Variants in NRG1 observed in about 807,000 individuals in gnomAD.
The protein encoded by NRG1 is neuregulin 1.
Under a neutral mutation model 63.8 loss-of-function variants are expected in NRG1, and 18 were observed. That is an observed-to-expected ratio of 0.28 (90% confidence interval 0.19 to 0.42). NRG1 has a LOEUF of 0.42. Ranked by LOEUF, NRG1 falls within the 10% of genes least tolerant of loss-of-function variation. The pLI is 1.00. For synonymous variants in NRG1, 302 were observed against 301.3 expected, an observed-to-expected ratio of 1.00 and a Z score of -0.02; for missense variants, 762 against 814.7, an observed-to-expected ratio of 0.94 and a Z score of 0.79.
intron 1 of NRG1, among the ~76,000 whole-genome samples, chr8:32,324,158 G>A (rs1369869423): frequency 2.0e-5 from 3 of 151,940 alleles, no homozygotes; most frequent in African/African-American, 7.3e-5. Context: ...GTATCTTCAG[G>A]CACACTGTTT....
intron 5 of NRG1, among the ~76,000 whole-genome samples, chr8:32,720,646 C>A (rs1022116606): frequency 1.3e-5 from 2 of 152,140 alleles, no homozygotes; most frequent in African/African-American, 4.8e-5. Flanking sequence ...TTTCTTGTAA[C>A]TCCATTTAGT....
At chr8:32,609,552 CTCCTTCCTTCCTTCCTTCCTTCCT>C (rs750000111) in intron 3 of NRG1, among the ~76,000 whole-genome samples, 102 of 83,226 alleles carry the variant, frequency 1.2e-3, no homozygotes, top group Admixed American at 3.5e-3. Flanking sequence ...CCTTCCCTCC[CTCCTTCCTTCCTTCCTTCCTTCCT>C]TCCTTCCTTC....
chr8:32,595,821 C>G lies in NRG1; in HGVS notation c.101-7C>G. 4.4e-6 allele frequency: 7 copies of G among 1,577,662 alleles called. No individual in the cohort carries two copies. Among genetic ancestry groups the G allele is most frequent in the Middle Eastern group, 1.7e-4 (1 of 5,812 alleles). On this transcript the variant is annotated splice_region_variant and splice_polypyrimidine_tract_variant and intron_variant, in intron 1 of 11. Transcript: ENST00000356819. ...GAGTTGTTTTTCATTCTCTTTTCTT[C>G]TTTTAGCCTTGCCTCCCCGATTGAA...
intron 1 of NRG1, among the ~76,000 whole-genome samples, chr8:32,331,865 T>G (rs896082828): frequency 2.6e-5 from 4 of 152,182 alleles, no homozygotes; most frequent in African/African-American, 7.2e-5. Context: ...TCAAAATGTT[T>G]GCATGCCATT....
chr8:32,040,964 C>T (rs532389398), intron 1 of NRG1, among the ~76,000 whole-genome samples: 74 of 151,176 alleles, frequency 4.9e-4, no homozygotes, highest in African/African-American at 1.7e-3. Context: ...ATTGAATTCC[C>T]TTCTTACTGT....
chr8:32,264,571 C>A (rs928965066), intron 1 of NRG1, among the ~76,000 whole-genome samples: 1 of 152,084 alleles, frequency 6.6e-6, no homozygotes, highest in Non-Finnish European at 1.5e-5. Context: ...GATAAAAAGA[C>A]GGGAGGGACA....
At chr8:32,410,176 CTTT>C (rs374377158) in intron 1 of NRG1, among the ~76,000 whole-genome samples, 3 of 99,330 alleles carry the variant, frequency 3.0e-5, no homozygotes, top group Admixed American at 1.2e-4. Context: ...TTTTTCTTTC[CTTT>C]TTTTTTTTTT....
chr8:32,609,065 C>T (rs183133695), intron 3 of NRG1, among the ~76,000 whole-genome samples: 1 of 152,170 alleles, frequency 6.6e-6, no homozygotes. Context: ...AACATAGCTG[C>T]CCGGAAGCTC....
intron 1 of NRG1, among the ~76,000 whole-genome samples, chr8:31,883,542 A>G (rs150247797): frequency 1.3e-5 from 2 of 152,268 alleles, no homozygotes; most frequent in South Asian, 4.1e-4. Flanking sequence ...AGCTGTTTCA[A>G]AAGTGTTCCT....
chr8:32,640,815 G>A (rs937084744), intron 5 of NRG1, among the ~76,000 whole-genome samples: 10 of 151,746 alleles, frequency 6.6e-5, no homozygotes, highest in Admixed American at 2.0e-4. Context: ...TATACATATC[G>A]GCAGGCGTGG....
intron 1 of NRG1, among the ~76,000 whole-genome samples, chr8:31,723,481 T>C (rs949177383): frequency 6.6e-6 from 1 of 152,110 alleles, no homozygotes; most frequent in Admixed American, 6.6e-5. Flanking sequence ...TGGAGTCTTA[T>C]TATGTTGTCC....
At chr8:32,161,937 A>G (rs1309951243) in intron 1 of NRG1, among the ~76,000 whole-genome samples, 1 of 152,240 alleles carries the variant, frequency 6.6e-6, no homozygotes, top group Non-Finnish European at 1.5e-5. Context: ...TCCATTGGCC[A>G]GAATTCCTCA....
intron 1 of NRG1, among the ~76,000 whole-genome samples, chr8:32,349,870 G>A (rs1805375947): frequency 6.6e-6 from 1 of 152,196 alleles, no homozygotes; most frequent in Non-Finnish European, 1.5e-5. Context: ...TTCCAGTGAT[G>A]ATCCAGCTCT....
chr8:32,003,611 A>C (rs1257432728), intron 1 of NRG1, among the ~76,000 whole-genome samples: 1 of 152,108 alleles, frequency 6.6e-6, no homozygotes, highest in African/African-American at 2.4e-5. Flanking sequence ...TTAAAAAATA[A>C]ATAAATCAAG....
At chr8:32,232,956 A>T (rs1847113383) in intron 1 of NRG1, among the ~76,000 whole-genome samples, 1 of 152,206 alleles carries the variant, frequency 6.6e-6, no homozygotes, top group South Asian at 2.1e-4. Context: ...ACAGCTAATT[A>T]TATAGCTAAT....
intron 8 of NRG1, among the ~76,000 whole-genome samples, chr8:32,755,379 A>G (rs1485273484): frequency 6.6e-6 from 1 of 152,196 alleles, no homozygotes; most frequent in Non-Finnish European, 1.5e-5. Flanking sequence ...TGAATGTTGC[A>G]TTGAGGAAGA....
chr8:32,435,535 C>T (rs902935590), intron 1 of NRG1, among the ~76,000 whole-genome samples: 1 of 152,130 alleles, frequency 6.6e-6, no homozygotes, highest in Non-Finnish European at 1.5e-5. Flanking sequence ...TAGGTCCCTT[C>T]TGCTGTTACT....
At chr8:32,577,813 T>G (rs564825804) in intron 1 of NRG1, among the ~76,000 whole-genome samples, 310 of 152,140 alleles carry the variant, frequency 2.0e-3, no homozygotes, top group Middle Eastern at 3.4e-3. Context: ...TTATGTACCA[T>G]CATTATAGCA....
intron 1 of NRG1, among the ~76,000 whole-genome samples, chr8:32,392,184 A>G (rs1382173509): frequency 2.0e-5 from 3 of 152,200 alleles, no homozygotes; most frequent in Non-Finnish European, 4.4e-5. Context: ...GATGCCACCA[A>G]TAAGGGGACC....
Sources: allele counts gnomAD v4.1 joint callset (sites outside exome capture counted in the v4.1 genomes callset), GRCh38; gene constraint gnomAD v4.1.1; transcripts MANE v1.5; gene names NCBI Gene and HGNC (gene_info 2026-07-23, HGNC 2026-07-21).